Variants in GNG7 observed in about 807,000 individuals in gnomAD.
GNG7 encodes the protein guanine nucleotide-binding protein G(I)/G(S)/G(O) subunit gamma-7.
A neutral mutation model predicts 4.0 loss-of-function variants in GNG7; 1 was observed. The ratio of observed to expected loss-of-function variants is 0.25; its 90% confidence interval spans 0.09 to 1.18. The LOEUF (loss-of-function observed/expected upper bound fraction) is 1.18. Among genes scored for constraint, GNG7 ranks in the 50% most tolerant of loss-of-function variants. The probability of loss-of-function intolerance (pLI) is 0.50; values close to 1 mark genes in which losing one functional copy is unlikely to be tolerated. For synonymous variants in GNG7, 34 were observed against 36.9 expected, an observed-to-expected ratio of 0.92 and a Z score of 0.29; for missense variants, 86 against 91.9, an observed-to-expected ratio of 0.94 and a Z score of 0.26.
chr19:2,670,556 G>A, intron 1 of GNG7, among the ~76,000 whole-genome samples: 1 of 152,310 alleles, frequency 6.6e-6, no homozygotes, highest in Non-Finnish European at 1.5e-5. Context: ...GAGCTGCCTC[G>A]GGCATGGCTG....
intron 2 of GNG7, among the ~76,000 whole-genome samples, chr19:2,580,853 C>CT (rs764409846): frequency 6.6e-6 from 1 of 152,118 alleles, no homozygotes; most frequent in Non-Finnish European, 1.5e-5. Flanking sequence ...CAACCTCCCC[C>CT]TCCCAGGTTC....
intron 1 of GNG7, among the ~76,000 whole-genome samples, chr19:2,646,695 AT>A (rs199974615): frequency 7.9e-5 from 12 of 151,174 alleles, no homozygotes; most frequent in South Asian, 6.3e-4. Flanking sequence ...AAAAAAAAAA[AT>A]AATAGAAAAG....
intron 3 of GNG7, among the ~76,000 whole-genome samples, chr19:2,549,875 G>C (rs781737672): frequency 4.9e-4 from 75 of 152,332 alleles, no homozygotes; most frequent in South Asian, 3.3e-3. Context: ...CCCAAGATGA[G>C]GTTTTGATGA....
chr19:2,677,231 C>A lies in GNG7; in HGVS notation c.-135+25415G>T, dbSNP rs1447847992. Among the ~76,000 whole-genome samples, 10 of 150,428 alleles carry A rather than the reference C, an allele frequency of 6.6e-5. No homozygotes were observed. The Admixed American group carries it at 6.7e-4, about 10-fold the overall frequency. On this transcript the variant is annotated intron_variant, in intron 1 of 4. Coordinates refer to ENST00000382159, the MANE Select transcript of GNG7 (RefSeq NM_052847.3). Reference sequence around the variant, plus strand: ...CTGAATCTAATCCATCAACAGGATGCCACAGGGGAGCAGAGAATTCCATTT... The same window carrying A: ...CTGAATCTAATCCATCAACAGGATGACACAGGGGAGCAGAGAATTCCATTT...
intron 2 of GNG7, among the ~76,000 whole-genome samples, chr19:2,635,802 C>T (rs907910993): frequency 2.6e-5 from 4 of 152,062 alleles, no homozygotes; most frequent in African/African-American, 9.7e-5. Context: ...AGGATGGTCT[C>T]GAACTCCTGA....
At chr19:2,620,760 GA>G (rs1981847795) in intron 2 of GNG7, among the ~76,000 whole-genome samples, 1 of 152,116 alleles carries the variant, frequency 6.6e-6, no homozygotes, top group Non-Finnish European at 1.5e-5. Context: ...AGAATTGCTT[GA>G]ACCCGGGAAG....
intron 3 of GNG7, among the ~76,000 whole-genome samples, chr19:2,532,083 G>A (rs1402140557): frequency 1.3e-5 from 2 of 151,366 alleles, no homozygotes; most frequent in African/African-American, 4.9e-5. Flanking sequence ...CCCGGGAGGC[G>A]GAGCTTGCAG....
At chr19:2,625,717 G>A (rs1166864016) in intron 2 of GNG7, among the ~76,000 whole-genome samples, 1 of 152,204 alleles carries the variant, frequency 6.6e-6, no homozygotes. Flanking sequence ...GGGTGAGCAG[G>A]TAGCGCCCTC....
intron 1 of GNG7, among the ~76,000 whole-genome samples, chr19:2,694,888 TG>T (rs1367682518): frequency 6.6e-6 from 1 of 152,034 alleles, no homozygotes; most frequent in Non-Finnish European, 1.5e-5. Context: ...CCTCAGGACC[TG>T]CAGTGCCCAG....
intron 2 of GNG7, among the ~76,000 whole-genome samples, chr19:2,607,489 A>G (rs1258072388): frequency 6.7e-6 from 1 of 149,900 alleles, no homozygotes; most frequent in African/African-American, 2.5e-5. Context: ...AGATCGCACC[A>G]TTGCACTCCA....
chr19:2,647,007 C>T (rs567013467), intron 1 of GNG7, among the ~76,000 whole-genome samples: 4 of 152,302 alleles, frequency 2.6e-5, no homozygotes, highest in Non-Finnish European at 5.9e-5. Context: ...GTCCCTCAGC[C>T]CCAGCTCAGC....
At position 2,633,483 on chromosome 19, in the gene GNG7, G is replaced by GCA. The variant is rs1391261870; in HGVS notation, c.-78+12740_-78+12741insTG. 6.0e-4 allele frequency among the ~76,000 whole-genome samples: 48 copies of GCA among 80,376 alleles called. No homozygotes were observed. In the East Asian group the frequency reaches 8.3e-3, roughly 14 times the overall value. The allele number at this position is 80,376 out of a possible 152,430, so 52.7% of individuals were successfully genotyped here. The stretch of plus-strand genomic sequence containing the variant: ...TGCTTAGCAACAGGCGCGCGCGCGC[G>GCA]CGCGCACACACACACACACACACAC... On this transcript the variant is annotated intron_variant, in intron 2 of 4. Coordinates refer to ENST00000382159, the MANE Select transcript of GNG7 (RefSeq NM_052847.3). The surrounding 1 kb of genome is among the most constrained non-coding windows in gnomAD (Gnocchi z 5.9).
intron 2 of GNG7, among the ~76,000 whole-genome samples, chr19:2,592,579 T>G (rs1980876063): frequency 6.6e-6 from 1 of 151,408 alleles, no homozygotes; most frequent in Non-Finnish European, 1.5e-5. Flanking sequence ...TAGAAAAAAT[T>G]TTTAAAAAGC....
chr19:2,625,899 T>C (rs1466346028), intron 2 of GNG7, among the ~76,000 whole-genome samples: 1 of 152,156 alleles, frequency 6.6e-6, no homozygotes, highest in Non-Finnish European at 1.5e-5. Context: ...GCGATTCTCC[T>C]GCCTCAGCCT....
chr19:2,647,149 C>T (rs939797327), intron 1 of GNG7, among the ~76,000 whole-genome samples: 3 of 152,246 alleles, frequency 2.0e-5, no homozygotes, highest in Admixed American at 2.0e-4. Flanking sequence ...AGGGCCAAAG[C>T]TGTTCCTGCA....
chr19:2,651,245 TTTCC>T (rs1229197006), intron 1 of GNG7, among the ~76,000 whole-genome samples: 18,374 of 86,928 alleles, frequency 0.21, 2,045 homozygotes, highest in Non-Finnish European at 0.27. Flanking sequence ...CCTTCCTTCC[TTTCC>T]TTCCTTCCTT....
At chr19:2,550,823 G>A (rs1185749382) in intron 3 of GNG7, among the ~76,000 whole-genome samples, 1 of 152,220 alleles carries the variant, frequency 6.6e-6, no homozygotes, top group South Asian at 2.1e-4. Context: ...AATTGGAGCA[G>A]TGGACCTGGC....
At chr19:2,526,119 C>T (rs1403469153) in intron 3 of GNG7, among the ~76,000 whole-genome samples, 3 of 152,108 alleles carry the variant, frequency 2.0e-5, no homozygotes, top group East Asian at 3.9e-4. Flanking sequence ...TACAGGCGCC[C>T]GCCACCACGC....
intron 2 of GNG7, among the ~76,000 whole-genome samples, chr19:2,621,610 T>G (rs1295190185): frequency 6.6e-6 from 1 of 151,774 alleles, no homozygotes; most frequent in Non-Finnish European, 1.5e-5. Flanking sequence ...GGCAGGAGAA[T>G]TGCTTGAACC....
Sources: allele counts gnomAD v4.1 joint callset (sites outside exome capture counted in the v4.1 genomes callset), GRCh38; gene constraint gnomAD v4.1.1; non-coding constraint Gnocchi (gnomAD v3.1); transcripts MANE v1.5; gene names NCBI Gene and HGNC (gene_info 2026-07-23, HGNC 2026-07-21).